Variants in METTL15 observed in about 807,000 individuals in gnomAD.
The protein encoded by METTL15 is 12S rRNA N(4)-cytidine methyltransferase METTL15.
METTL15 carries 34 observed loss-of-function variants against 38.3 expected under a neutral mutation model. The observed-to-expected ratio is 0.89, with a 90% CI of 0.68 to 1.18. The LOEUF is 1.18. Among genes scored for constraint, METTL15 ranks in the 50% most tolerant of loss-of-function variants. The probability of loss-of-function intolerance (pLI) is 0.00; values close to 1 mark genes in which losing one functional copy is unlikely to be tolerated. For missense variants in METTL15, 438 were observed against 498.4 expected (o/e 0.88, Z 1.15); for synonymous variants, 162 against 170.9 (o/e 0.95, Z 0.41).
intron 3 of METTL15, among the ~76,000 whole-genome samples, chr11:28,169,380 T>C (rs907723737): frequency 6.6e-6 from 1 of 152,106 alleles, no homozygotes; most frequent in Non-Finnish European, 1.5e-5. Context: ...AAAACTGATA[T>C]TATGATTTGA....
intron 6 of METTL15, among the ~76,000 whole-genome samples, chr11:28,426,182 A>G (rs1850862287): frequency 6.6e-6 from 1 of 152,066 alleles, no homozygotes; most frequent in Non-Finnish European, 1.5e-5. Flanking sequence ...CCCACTTATA[A>G]GTGAGAACAT....
At chr11:28,202,468 G>A (rs1026829043) in intron 3 of METTL15, among the ~76,000 whole-genome samples, 1 of 151,636 alleles carries the variant, frequency 6.6e-6, no homozygotes, top group Admixed American at 6.6e-5. Context: ...TAGGCTTATA[G>A]CTGTTTGTTT....
chr11:28,368,680 CT>C (rs1850212975), intron 5 of METTL15, among the ~76,000 whole-genome samples: 4 of 152,104 alleles, frequency 2.6e-5, no homozygotes, highest in Admixed American at 2.0e-4. Context: ...ATAAATCATT[CT>C]ACTATAAAGA....
At chr11:28,259,520 C>T (rs1177156718) in intron 4 of METTL15, among the ~76,000 whole-genome samples, 5 of 152,160 alleles carry the variant, frequency 3.3e-5, no homozygotes, top group Admixed American at 6.5e-5. Flanking sequence ...GCTCTTTATC[C>T]GTTGGTGGTG....
intron 3 of METTL15, among the ~76,000 whole-genome samples, chr11:28,341,807 G>T (rs1849955257): frequency 6.6e-6 from 1 of 152,056 alleles, no homozygotes; most frequent in African/African-American, 2.4e-5. Flanking sequence ...TTCTGGAGTG[G>T]ACTCTTCTCT....
intron 6 of METTL15, among the ~76,000 whole-genome samples, chr11:28,480,566 C>G (rs1851386702): frequency 1.3e-5 from 2 of 152,336 alleles, no homozygotes; most frequent in Admixed American, 1.3e-4. Flanking sequence ...CAAGCTGGCT[C>G]TAGCTGACTA....
At chr11:28,506,059 A>T (rs1851624868) in intron 6 of METTL15, among the ~76,000 whole-genome samples, 1 of 152,228 alleles carries the variant, frequency 6.6e-6, no homozygotes, top group South Asian at 2.1e-4. Context: ...CTAAGTCATA[A>T]ACTCAGTCTT....
intron 4 of METTL15, among the ~76,000 whole-genome samples, chr11:28,267,256 A>T (rs1304099130): frequency 6.7e-6 from 1 of 149,266 alleles, no homozygotes; most frequent in Non-Finnish European, 1.5e-5. Flanking sequence ...CCCCTTGTTC[A>T]CTTTGGTCGC....
In METTL15 at chr11:28,458,596, T is replaced by C. The variant is rs77033573; in HGVS notation, c.*424+34232T>C. 1.5e-3 allele frequency among the ~76,000 whole-genome samples: 223 copies of C among 152,310 alleles called. 1 individual carries two copies. Among genetic ancestry groups the C allele is most frequent in the African/African-American group, 5.1e-3 (211 of 41,582 alleles). On this transcript the variant is annotated intron_variant and NMD_transcript_variant, in intron 6 of 7. Transcript: ENST00000532947. ...ATGTGCTATCTTCATGAAGCTGCTGTTTCTCACCTGCCCAGGGCCTTACTG... is the reference window on the plus strand; with the variant it reads ...ATGTGCTATCTTCATGAAGCTGCTGCTTCTCACCTGCCCAGGGCCTTACTG...
chr11:28,373,240 G>C lies in METTL15; in HGVS notation c.*358+11204G>C, dbSNP rs567292258. ...GAACTAGTTTACAGTCCCACCAACA[G>C]TGTAAAAGTGTTCCTATTTCTCCAC... On this transcript the variant is annotated intron_variant and NMD_transcript_variant, in intron 5 of 7. Coordinates refer to the METTL15 transcript ENST00000532947. Among the ~76,000 whole-genome samples the C allele has an allele frequency of 2.0e-5, 3 of 152,156 alleles. No homozygotes were observed. In the South Asian group the frequency reaches 6.2e-4, roughly 32 times the overall value.
intron 6 of METTL15, among the ~76,000 whole-genome samples, chr11:28,430,232 G>T (rs1320500534): frequency 6.6e-6 from 1 of 150,668 alleles, no homozygotes; most frequent in South Asian, 2.1e-4. Context: ...AGGTGGGGGG[G>T]GTCAGCCCCC....
intron 4 of METTL15, among the ~76,000 whole-genome samples, chr11:28,218,620 C>T (rs1204124491): frequency 3.9e-5 from 6 of 152,070 alleles, no homozygotes; most frequent in African/African-American, 9.7e-5. Flanking sequence ...TGAGAGAGGG[C>T]GTCCGTGTCT....
chr11:28,270,100 T>C (rs1047782656), intron 4 of METTL15, among the ~76,000 whole-genome samples: 1 of 152,210 alleles, frequency 6.6e-6, no homozygotes, highest in African/African-American at 2.4e-5. Context: ...TTACTACTGT[T>C]ATTGTTATGA....
intron 6 of METTL15, among the ~76,000 whole-genome samples, chr11:28,440,441 TAA>T (rs1364675970): frequency 6.6e-6 from 1 of 152,236 alleles, no homozygotes; most frequent in Non-Finnish European, 1.5e-5. Context: ...ATAAATCTCA[TAA>T]GTCTTTATAT....
intron 6 of METTL15, among the ~76,000 whole-genome samples, chr11:28,448,988 A>G (rs890968586): frequency 6.6e-6 from 1 of 152,126 alleles, no homozygotes; most frequent in African/African-American, 2.4e-5. Context: ...AAATGCCTTA[A>G]AATATGGAGC....
chr11:28,306,688 T>C (rs768044526), intron 6 of METTL15, among the ~76,000 whole-genome samples: 2 of 152,050 alleles, frequency 1.3e-5, no homozygotes, highest in Non-Finnish European at 2.9e-5. Context: ...AGCATATGCT[T>C]TCATTTTTAA....
chr11:28,362,118 C>A (rs1850144712), intron 5 of METTL15: 1 of 152,052 alleles, frequency 6.6e-6, no homozygotes, highest in Non-Finnish European at 1.5e-5. Flanking sequence ...GTTGTATCAG[C>A]AAACAAAATA....
At chr11:28,113,718 C>A in intron 3 of METTL15, 114 bp downstream of exon 3, 1 of 1,135,122 alleles carries the variant, frequency 8.8e-7, no homozygotes. Context: ...AGATGAATCC[C>A]AACTTTTGAT....
At chr11:28,158,177 T>G (rs1162997250) in intron 3 of METTL15, among the ~76,000 whole-genome samples, 1 of 152,134 alleles carries the variant, frequency 6.6e-6, no homozygotes, top group Non-Finnish European at 1.5e-5. Flanking sequence ...ATGGACCTCT[T>G]TAAGTGGTCA....
Sources: allele counts gnomAD v4.1 joint callset (sites outside exome capture counted in the v4.1 genomes callset), GRCh38; gene constraint gnomAD v4.1.1; transcripts MANE v1.5; gene names NCBI Gene and HGNC (gene_info 2026-07-23, HGNC 2026-07-21).